The following ITPK1 variants were observed in gnomAD, a reference collection of about 807,000 sequenced individuals.
ITPK1 encodes the protein inositol-tetrakisphosphate 1-kinase.
A neutral mutation model predicts 45.3 loss-of-function variants in ITPK1; 21 were observed. That is an observed-to-expected ratio of 0.46 (90% CI 0.33 to 0.67). The LOEUF (loss-of-function observed/expected upper bound fraction) is 0.67, where lower values mean the gene tolerates loss of function less well. ITPK1 is among the 30% of genes least tolerant of loss of function. The pLI, the probability that ITPK1 is intolerant of heterozygous loss-of-function variation, is 0.02. For missense variants in ITPK1, 474 were observed against 573.5 expected, an observed-to-expected ratio of 0.83 and a Z score of 1.77; for synonymous variants, 258 against 253.6, an observed-to-expected ratio of 1.02 and a Z score of -0.16.
At chr14:93,111,568 A>G (rs1892754594) in intron 2 of ITPK1, among the ~76,000 whole-genome samples, 1 of 151,968 alleles carries the variant, frequency 6.6e-6, no homozygotes, top group African/African-American at 2.4e-5. Context: ...AAAATTAGCC[A>G]GGCGTGGTGG....
At chr14:92,952,661 G>A (rs888168028) in intron 8 of ITPK1, among the ~76,000 whole-genome samples, 1 of 152,186 alleles carries the variant, frequency 6.6e-6, no homozygotes, top group African/African-American at 2.4e-5. Context: ...CACCCCACAC[G>A]TCTGGCTCCC....
At chr14:93,045,610 G>C (rs1359189908) in intron 3 of ITPK1, among the ~76,000 whole-genome samples, 1 of 152,116 alleles carries the variant, frequency 6.6e-6, no homozygotes. Context: ...CGCTATGATT[G>C]CATCTGTGAA....
rs1300645973 is a variant in ITPK1 at position 92,941,046 on chromosome 14, C to T, written c.*515G>A. 2 of 1,228,036 alleles carry T rather than the reference C, an allele frequency of 1.6e-6. No homozygotes were observed. The highest frequency in any genetic ancestry group is 1.0e-6 in the Non-Finnish European group (1 of 959,982). The allele number at this position is 1,228,036 out of a possible 1,614,324, so 76.1% of individuals were successfully genotyped here. ...GCACACCAGGCAGGGTGGGGGCTAA[C>T]AAAGCCTTGGTGGAGACCAGTAGGA... On this transcript the variant is annotated 3_prime_UTR_variant, in exon 11 of 11. Transcript: ENST00000267615.
At chr14:93,106,705 T>C (rs913301503) in intron 2 of ITPK1, among the ~76,000 whole-genome samples, 5 of 152,176 alleles carry the variant, frequency 3.3e-5, no homozygotes, top group African/African-American at 9.6e-5. Context: ...AGAGCTGGTT[T>C]GCCTTCACCT....
chr14:92,941,132 C>G lies in ITPK1; in HGVS notation c.*429G>C. Reference sequence around the variant, plus strand: ...AGTCAGGCAGAAGGGAAGCCACTCTCACATGCACCGATCAGCCTCCCACAG... The same window carrying G: ...AGTCAGGCAGAAGGGAAGCCACTCTGACATGCACCGATCAGCCTCCCACAG... On this transcript the variant is annotated 3_prime_UTR_variant, in exon 11 of 11. Transcript: ENST00000267615. 1 of 1,208,842 alleles carries G rather than the reference C, an allele frequency of 8.3e-7. No homozygotes were observed. The highest frequency in any genetic ancestry group is 1.0e-6 in the Non-Finnish European group (1 of 955,912). The allele number at this position is 1,208,842 out of a possible 1,614,324, so 74.9% of individuals were successfully genotyped here.
At chr14:93,001,041 A>G (rs923418243) in intron 4 of ITPK1, among the ~76,000 whole-genome samples, 4 of 149,406 alleles carry the variant, frequency 2.7e-5, no homozygotes, top group African/African-American at 1.0e-4. Context: ...CCACTTTGGG[A>G]GGCTGACGCG....
At chr14:93,110,150 G>A (rs2140038052) in intron 2 of ITPK1, among the ~76,000 whole-genome samples, 1 of 152,292 alleles carries the variant, frequency 6.6e-6, no homozygotes, top group East Asian at 1.9e-4. Flanking sequence ...GCCTGAAACT[G>A]AGGCAGTCCC....
chr14:92,962,931 C>T, intron 5 of ITPK1, 82 bp from the exon 6 acceptor site: 1 of 856,060 alleles, frequency 1.2e-6, no homozygotes, highest in Admixed American at 2.4e-5. Context: ...CGCCCCACCC[C>T]AGGGGCCTTC....
intron 2 of ITPK1, among the ~76,000 whole-genome samples, chr14:93,089,368 A>G (rs1891778648): frequency 1.3e-5 from 2 of 152,180 alleles, no homozygotes; most frequent in East Asian, 1.9e-4. Context: ...GTCCTGTCCA[A>G]TATCAAACCT....
intron 5 of ITPK1, among the ~76,000 whole-genome samples, chr14:92,976,823 T>C (rs1026115824): frequency 1.3e-5 from 2 of 152,248 alleles, no homozygotes; most frequent in African/African-American, 4.8e-5. Flanking sequence ...CCTTGACTGC[T>C]GGGCAAACCA....
intron 3 of ITPK1, among the ~76,000 whole-genome samples, chr14:93,044,393 A>G (rs1347856303): frequency 6.6e-6 from 1 of 152,254 alleles, no homozygotes; most frequent in African/African-American, 2.4e-5. Context: ...GGAAGGGACC[A>G]TGAATAAGTT....
chr14:93,085,793 T>C (rs1891626760), intron 2 of ITPK1, among the ~76,000 whole-genome samples: 1 of 152,220 alleles, frequency 6.6e-6, no homozygotes, highest in Non-Finnish European at 1.5e-5. Context: ...CGCTTTTTAG[T>C]GTGGAAATTC....
At chr14:93,007,362 C>A (rs1296939994) in intron 4 of ITPK1, among the ~76,000 whole-genome samples, 2 of 151,518 alleles carry the variant, frequency 1.3e-5, no homozygotes, top group Non-Finnish European at 2.9e-5. Context: ...CCACCCTGGC[C>A]CACAGTCGCC....
At chr14:93,028,663 C>T (rs906348451) in intron 3 of ITPK1, among the ~76,000 whole-genome samples, 1 of 152,240 alleles carries the variant, frequency 6.6e-6, no homozygotes, top group African/African-American at 2.4e-5. Flanking sequence ...CCAGAGCAGG[C>T]CCCCTGCAGG....
chr14:93,099,311 CA>C (rs951665393), intron 2 of ITPK1, among the ~76,000 whole-genome samples: 1 of 152,106 alleles, frequency 6.6e-6, no homozygotes, highest in Admixed American at 6.5e-5. Flanking sequence ...CAGGATCCAG[CA>C]AAAAGACACC....
In ITPK1 at chr14:93,014,072, TC is replaced by T. The variant is rs1269350536; in HGVS notation, c.246+2603del. Among the ~76,000 whole-genome samples the T allele has an allele frequency of 2.0e-5, 3 of 152,198 alleles. No homozygotes were observed. Among genetic ancestry groups the T allele is most frequent in the African/African-American group, 7.2e-5 (3 of 41,440 alleles). ...TGTTCTCCTCACAAAGGAGGAAACT[TC>T]CCACCTTATCAGATATCCGGCCTCT... On this transcript the variant is annotated intron_variant, in intron 4 of 10. Coordinates refer to ENST00000267615, the MANE Select transcript of ITPK1 (RefSeq NM_014216.6). This position sits in a 1 kb window ranked among gnomAD's most constrained non-coding sequence, Gnocchi z 4.4.
At chr14:93,050,277 AG>A in intron 3 of ITPK1, among the ~76,000 whole-genome samples, 1 of 152,328 alleles carries the variant, frequency 6.6e-6, no homozygotes, top group South Asian at 2.1e-4. Context: ...TCAAGCAGGC[AG>A]GATCGGCTGC....
intron 5 of ITPK1, among the ~76,000 whole-genome samples, chr14:92,964,627 A>G (rs2139747493): frequency 6.6e-6 from 1 of 152,350 alleles, no homozygotes; most frequent in African/African-American, 2.4e-5. Flanking sequence ...TGCCATAGGC[A>G]GGCTTCGGAC....
chr14:93,090,232 G>A (rs1427596052), intron 2 of ITPK1, among the ~76,000 whole-genome samples: 1 of 152,124 alleles, frequency 6.6e-6, no homozygotes, highest in Non-Finnish European at 1.5e-5. Context: ...GTGCCCCACA[G>A]GTCGGTTCTT....
Sources: gnomAD v4.1 joint callset for allele counts (sites outside exome capture counted in the v4.1 genomes callset) on GRCh38, gnomAD v4.1.1 for gene constraint, Gnocchi (gnomAD v3.1) non-coding constraint, MANE v1.5 for transcripts, NCBI Gene and HGNC (gene_info 2026-07-23, HGNC 2026-07-21) for gene names.